The following DNAJA3 variants were observed in gnomAD, a reference collection of about 807,000 sequenced individuals.
The protein encoded by DNAJA3 is DnaJ heat shock protein family (Hsp40) member A3, also known as dnaJ homolog subfamily A member 3, mitochondrial.
A neutral mutation model predicts 54.9 loss-of-function variants in DNAJA3; 29 were observed. The ratio of observed to expected loss-of-function variants is 0.53; its 90% CI spans 0.39 to 0.72. The LOEUF (loss-of-function observed/expected upper bound fraction) is 0.72, where lower values mean the gene tolerates loss of function less well. Among genes scored for constraint, DNAJA3 ranks in the 30% least tolerant of loss-of-function variants. The pLI, the probability that DNAJA3 is intolerant of heterozygous loss-of-function variation, is 0.00. For missense variants in DNAJA3, 708 were observed against 639.4 expected, an observed-to-expected ratio of 1.11 and a Z score of -1.16; for synonymous variants, 302 against 251.4, an observed-to-expected ratio of 1.20 and a Z score of -1.90.
At chr16:4,428,864 T>A (rs2056656126) in intron 1 of DNAJA3, among the ~76,000 whole-genome samples, 1 of 149,950 alleles carries the variant, frequency 6.7e-6, no homozygotes, top group African/African-American at 2.5e-5. Flanking sequence ...CATAGGCAGA[T>A]CCCATCTCTA....
rs141734527 is a variant in DNAJA3 at position 4,443,141 on chromosome 16, G to A, written c.908G>A (p.Arg303Gln). The change falls in exon 6 of 12, where the codon CGA (arginine) becomes CAA (glutamine). Residue 303 changes from arginine to glutamine, a missense_variant. Physicochemically the swap from Arg to Gln is conservative, Grantham distance 43. Transcript: ENST00000262375. Reference protein sequence around the residue: ...RGAGQAKQKKRVMIPVPAGVE... With the variant: ...RGAGQAKQKKQVMIPVPAGVE... ...GCAGGACAAGCCAAGCAGAAAAAGC[G>A]AGTGATGATCCCTGTGCCTGCAGGT... 1.6e-4 allele frequency: 260 copies of A among 1,614,020 alleles called. No homozygotes were observed. The African/African-American group carries it at 2.8e-3, about 17-fold the overall frequency.
At chr16:4,454,770 G>T (rs781101300) in intron 10 of DNAJA3, 41 bp from the exon 11 acceptor site, 7 of 1,479,378 alleles carry the variant, frequency 4.7e-6, no homozygotes, top group Non-Finnish European at 5.7e-6. Flanking sequence ...CTGTGGAAGT[G>T]CAGGCCCATG....
At chr16:4,442,942 A>C (rs1227074029) in intron 5 of DNAJA3, 75 bp from the exon 6 acceptor site, 4 of 1,518,750 alleles carry the variant, frequency 2.6e-6, no homozygotes, top group Non-Finnish European at 3.6e-6. Flanking sequence ...CATTTTTCTT[A>C]CGCACATTGT....
At chr16:4,439,818 A>G (rs1461050906) in intron 3 of DNAJA3, among the ~76,000 whole-genome samples, 4 of 152,086 alleles carry the variant, frequency 2.6e-5, no homozygotes, top group African/African-American at 7.2e-5. Context: ...TGGGTGCCCT[A>G]AAAGTTACCC....
intron 10 of DNAJA3, among the ~76,000 whole-genome samples, chr16:4,454,569 G>T (rs1267019671): frequency 3.9e-5 from 6 of 152,194 alleles, no homozygotes; most frequent in Non-Finnish European, 7.3e-5. Flanking sequence ...CCCTGCTGTG[G>T]GTCCTTGATT....
chr16:4,431,770 A>T (rs1195028308), intron 1 of DNAJA3: 1 of 151,646 alleles, frequency 6.6e-6, no homozygotes, highest in Admixed American at 6.6e-5. Context: ...TAGAGACAAG[A>T]TTTCACCATG....
intron 1 of DNAJA3, among the ~76,000 whole-genome samples, chr16:4,429,159 T>G (rs549929070): frequency 6.6e-6 from 1 of 152,006 alleles, no homozygotes; most frequent in East Asian, 1.9e-4. Context: ...AGTGCTGGGA[T>G]TACAGGTGTG....
chr16:4,444,822 G>A (rs1227200237), intron 7 of DNAJA3, 94 bp downstream of exon 7: 34 of 1,160,562 alleles, frequency 2.9e-5, no homozygotes, highest in Non-Finnish European at 3.8e-6. Context: ...AGCTTCACAG[G>A]AACATGTCTC....
chr16:4,433,047 C>T (rs536581870), intron 1 of DNAJA3, among the ~76,000 whole-genome samples: 1 of 152,174 alleles, frequency 6.6e-6, no homozygotes, highest in South Asian at 2.1e-4. Flanking sequence ...GAGGCTGAGG[C>T]AGGAGAATGG....
At chr16:4,450,867 G>A (rs995179702) in intron 10 of DNAJA3, among the ~76,000 whole-genome samples, 1 of 152,178 alleles carries the variant, frequency 6.6e-6, no homozygotes, top group African/African-American at 2.4e-5. Context: ...GAGAGAGCAT[G>A]GATTGGAAGG....
intron 1 of DNAJA3, among the ~76,000 whole-genome samples, chr16:4,428,187 G>A (rs1406749420): frequency 2.0e-5 from 3 of 152,058 alleles, no homozygotes; most frequent in Non-Finnish European, 2.9e-5. Context: ...TCCTGAACTT[G>A]TGATCCACCC....
At chr16:4,448,023 C>CTTTG (rs1356857491) in intron 8 of DNAJA3, 3 of 72,682 alleles carry the variant, frequency 4.1e-5, no homozygotes, top group Non-Finnish European at 7.2e-5. Flanking sequence ...AGTGGCAGTT[C>CTTTG]TTTTTTTTTT....
At chr16:4,442,717 T>G (rs17137037) in intron 5 of DNAJA3, 37,326 of 516,190 alleles carry the variant, frequency 0.072, 1,666 homozygotes, top group Admixed American at 0.14. Context: ...GGAAATAATC[T>G]TTTTTAAATG....
intron 1 of DNAJA3, among the ~76,000 whole-genome samples, chr16:4,432,048 A>G (rs2056709721): frequency 6.6e-6 from 1 of 151,678 alleles, no homozygotes; most frequent in African/African-American, 2.4e-5. Flanking sequence ...CACCACTGCC[A>G]TCTAGTTTAG....
intron 6 of DNAJA3, among the ~76,000 whole-genome samples, 172 bp downstream of exon 6, chr16:4,443,336 G>T: frequency 6.6e-6 from 1 of 152,180 alleles, no homozygotes; most frequent in African/African-American, 2.4e-5. Flanking sequence ...GGAGGAACTG[G>T]AGTCTCCTTG....
chr16:4,450,745 A>C (rs745309901), intron 10 of DNAJA3, among the ~76,000 whole-genome samples: 8 of 152,194 alleles, frequency 5.3e-5, no homozygotes, highest in Non-Finnish European at 1.0e-4. Flanking sequence ...CACTTCCTGC[A>C]GGCAGCTCTG....
At chr16:4,440,857 A>C (rs1345974344) in intron 3 of DNAJA3, 2 of 158,350 alleles carry the variant, frequency 1.3e-5, no homozygotes, top group African/African-American at 2.4e-5. Flanking sequence ...CTGTAGACCC[A>C]GCTACTGTGG....
At chr16:4,452,057 G>A (rs890685645) in intron 10 of DNAJA3, among the ~76,000 whole-genome samples, 8 of 152,042 alleles carry the variant, frequency 5.3e-5, no homozygotes, top group Non-Finnish European at 1.2e-4. Context: ...GTGACATAGC[G>A]AGACTCTGTC....
intron 1 of DNAJA3, among the ~76,000 whole-genome samples, chr16:4,432,852 A>G (rs1479237834): frequency 6.6e-6 from 1 of 151,780 alleles, no homozygotes; most frequent in Admixed American, 6.6e-5. Context: ...ACAAAGAAAC[A>G]AAAAGCCTGC....
Sources: gnomAD v4.1 joint callset for allele counts (sites outside exome capture counted in the v4.1 genomes callset) on GRCh38, gnomAD v4.1.1 for gene constraint, MANE v1.5 for transcripts, NCBI Gene and HGNC (gene_info 2026-07-23, HGNC 2026-07-21) for gene names.